The following PKHD1 variants were observed in gnomAD, a reference collection of about 807,000 sequenced individuals.
PKHD1 encodes the protein PKHD1 ciliary IPT domain containing fibrocystin/polyductin, also known as fibrocystin.
PKHD1 carries 291 observed loss-of-function variants against 412.0 expected under a neutral mutation model. The observed-to-expected ratio is 0.71, with a 90% CI of 0.64 to 0.78. The LOEUF (loss-of-function observed/expected upper bound fraction) is 0.78, where lower values mean the gene tolerates loss of function less well. Among genes scored for constraint, PKHD1 ranks in the 30% least tolerant of loss-of-function variants. The pLI is 0.00. For missense variants in PKHD1, 4,825 were observed against 4,950.7 expected (o/e 0.97, Z 0.76); for synonymous variants, 1,777 against 1,821.5 (o/e 0.98, Z 0.62).
intron 60 of PKHD1, among the ~76,000 whole-genome samples, chr6:51,677,936 T>G (rs1159939106): frequency 6.6e-6 from 1 of 152,214 alleles, no homozygotes; most frequent in East Asian, 1.9e-4. Flanking sequence ...ATTTTATAAT[T>G]GTTTTACTAG....
intron 52 of PKHD1, among the ~76,000 whole-genome samples, chr6:51,813,547 C>CA (rs1765009038): frequency 6.6e-6 from 1 of 152,054 alleles, no homozygotes; most frequent in South Asian, 2.1e-4. Flanking sequence ...CTATTTCCTA[C>CA]ATTTTTTTTT....
chr6:51,765,660 A>C (rs1788868064), intron 55 of PKHD1, among the ~76,000 whole-genome samples: 1 of 152,066 alleles, frequency 6.6e-6, no homozygotes, highest in South Asian at 2.1e-4. Flanking sequence ...CACCATATTG[A>C]CTTCCTTACC....
intron 35 of PKHD1, among the ~76,000 whole-genome samples, chr6:51,982,619 G>C (rs925335622): frequency 4.7e-5 from 7 of 147,980 alleles, no homozygotes; most frequent in African/African-American, 9.9e-5. Context: ...CAGCATGCTC[G>C]TCAAGAGTCA....
intron 37 of PKHD1, among the ~76,000 whole-genome samples, chr6:51,929,977 T>C (rs556109878): frequency 2.6e-5 from 4 of 152,346 alleles, no homozygotes; most frequent in South Asian, 2.1e-4. Flanking sequence ...GTGAGAGACA[T>C]TGATAAATTT....
At chr6:51,919,878 A>C (rs886115518) in intron 37 of PKHD1, among the ~76,000 whole-genome samples, 1 of 152,084 alleles carries the variant, frequency 6.6e-6, no homozygotes, top group South Asian at 2.1e-4. Context: ...TAGGTATTTT[A>C]TTCTCTTTGA....
In PKHD1 at chr6:51,648,111, C is replaced by T; in HGVS notation, c.11318G>A (p.Arg3773Lys). The change falls in exon 63 of 67, where the codon AGA (arginine) becomes AAA (lysine). Residue 3773 changes from arginine to lysine, a missense_variant. Coordinates refer to ENST00000371117, the MANE Select transcript of PKHD1 (RefSeq NM_138694.4). ...TGAAGGAGGTCCCAGGGACTCTACT[C>T]TTCGATTCTAGAAATGGGAATAGGA... is the stretch of plus-strand genomic sequence containing the variant. ...QLVFLDEQNR[R>K]VESLGPPSEP... The T allele has an allele frequency of 6.3e-7, 1 of 1,590,570 alleles. No individual in the cohort carries two copies. Among genetic ancestry groups the T allele is most frequent in the Non-Finnish European group, 8.6e-7 (1 of 1,158,640 alleles).
chr6:51,916,974 T>C (rs1783898098), intron 37 of PKHD1, among the ~76,000 whole-genome samples: 1 of 152,128 alleles, frequency 6.6e-6, no homozygotes, highest in Admixed American at 6.6e-5. Context: ...AGCATTTCAA[T>C]GTCATTCATC....
At chr6:52,010,971 G>A (rs558172590) in intron 34 of PKHD1, among the ~76,000 whole-genome samples, 1 of 152,204 alleles carries the variant, frequency 6.6e-6, no homozygotes, top group East Asian at 1.9e-4. Context: ...GAAAAAATGA[G>A]CTCATTTAGG....
intron 36 of PKHD1, among the ~76,000 whole-genome samples, chr6:51,953,918 T>G (rs1393009659): frequency 1.3e-5 from 2 of 152,028 alleles, no homozygotes; most frequent in Admixed American, 6.6e-5. Context: ...GATCCACTTC[T>G]CCATCCGTCC....
intron 60 of PKHD1, among the ~76,000 whole-genome samples, chr6:51,717,032 C>A (rs1781353858): frequency 6.6e-6 from 1 of 152,216 alleles, no homozygotes; most frequent in Non-Finnish European, 1.5e-5. Flanking sequence ...GAGGCACAAG[C>A]CAAATACTTA....
chr6:51,976,088 C>T (rs1303927242), intron 35 of PKHD1: 1 of 146,300 alleles, frequency 6.8e-6, no homozygotes, highest in Non-Finnish European at 1.5e-5. Context: ...CAGGGGAAAA[C>T]AGTAGGACAA....
intron 66 of PKHD1, among the ~76,000 whole-genome samples, chr6:51,620,805 T>C (rs1395008996): frequency 6.7e-6 from 1 of 148,386 alleles, no homozygotes; most frequent in Admixed American, 6.8e-5. Context: ...TATATGTATA[T>C]ATATATATAT....
In PKHD1 at chr6:51,796,299, G is replaced by A. The variant is rs565036618; in HGVS notation, c.8303-4926C>T. On this transcript the variant is annotated intron_variant, in intron 52 of 66. Transcript: ENST00000371117. Reference sequence around the variant, plus strand: ...ATTTTCTACTTTATGTGCAAGAGGTGTTTATAATATTCCCTGAGGGTTGTT... The same window carrying A: ...ATTTTCTACTTTATGTGCAAGAGGTATTTATAATATTCCCTGAGGGTTGTT... Among the ~76,000 whole-genome samples the A allele has an allele frequency of 2.0e-5, 3 of 152,138 alleles. No individual in the cohort carries two copies. In the South Asian group the frequency reaches 6.2e-4, roughly 32 times the overall value.
At chr6:51,785,996 T>C (rs1420452130) in intron 53 of PKHD1, among the ~76,000 whole-genome samples, 1 of 152,218 alleles carries the variant, frequency 6.6e-6, no homozygotes, top group African/African-American at 2.4e-5. Context: ...GTTTACTGTA[T>C]ACTCAACATT....
intron 1 of PKHD1, among the ~76,000 whole-genome samples, chr6:52,086,105 A>C (rs2397076): frequency 2.7e-5 from 4 of 146,056 alleles, no homozygotes; most frequent in South Asian, 2.2e-4. Flanking sequence ...CACACACACA[A>C]AGTGTGTGTG....
At chr6:51,882,466 A>T (rs963481478) in intron 46 of PKHD1, among the ~76,000 whole-genome samples, 5 of 152,264 alleles carry the variant, frequency 3.3e-5, no homozygotes, top group Non-Finnish European at 7.3e-5. Context: ...TGAACTAAGC[A>T]CTCAGGAACA....
intron 6 of PKHD1, among the ~76,000 whole-genome samples, chr6:52,075,988 G>C (rs542764856): frequency 6.6e-6 from 1 of 152,260 alleles, no homozygotes; most frequent in South Asian, 2.1e-4. Context: ...TAAAAGCAAG[G>C]ATGACTCCTC....
At chr6:51,735,822 T>C (rs1380028933) in intron 60 of PKHD1, among the ~76,000 whole-genome samples, 1 of 152,044 alleles carries the variant, frequency 6.6e-6, no homozygotes, top group Non-Finnish European at 1.5e-5. Flanking sequence ...TAGTCACAGC[T>C]ACTTGGAAGG....
At chr6:51,773,315 T>C (rs991163665) in intron 54 of PKHD1, among the ~76,000 whole-genome samples, 2 of 152,002 alleles carry the variant, frequency 1.3e-5, no homozygotes, top group African/African-American at 4.8e-5. Flanking sequence ...ATGCAGTTTA[T>C]TTCAGACTAA....
Sources: allele counts gnomAD v4.1 joint callset (sites outside exome capture counted in the v4.1 genomes callset), GRCh38; gene constraint gnomAD v4.1.1; transcripts MANE v1.5; gene names NCBI Gene and HGNC (gene_info 2026-07-23, HGNC 2026-07-21).